FSTL5: variants seen among roughly 807,000 people sequenced by gnomAD.
FSTL5 encodes the protein follistatin-related protein 5.
Under a neutral mutation model 89.1 loss-of-function variants are expected in FSTL5, and 62 were observed. That is an observed-to-expected ratio of 0.70 (90% confidence interval 0.57 to 0.86). FSTL5 has a LOEUF of 0.86. FSTL5 is among the 40% of genes least tolerant of loss of function. FSTL5 has a pLI of 0.00. For missense variants in FSTL5, 1,057 were observed against 1,001.6 expected (o/e 1.06, Z -0.75); for synonymous variants, 383 against 346.2 (o/e 1.11, Z -1.18).
At chr4:162,049,790 A>G (rs1206135117) in intron 2 of FSTL5, among the ~76,000 whole-genome samples, 1 of 152,146 alleles carries the variant, frequency 6.6e-6, no homozygotes, top group African/African-American at 2.4e-5. Context: ...AGATCTGAAA[A>G]AATTATAATT....
chr4:161,792,203 G>A (rs867584700), intron 4 of FSTL5, among the ~76,000 whole-genome samples: 2 of 152,090 alleles, frequency 1.3e-5, no homozygotes, highest in African/African-American at 2.4e-5. Flanking sequence ...ATGGGTGTGC[G>A]CGTGTCCAAG....
intron 1 of FSTL5, among the ~76,000 whole-genome samples, chr4:162,117,777 GTTA>G (rs1032373827): frequency 1.3e-5 from 2 of 152,022 alleles, no homozygotes; most frequent in African/African-American, 4.8e-5. Flanking sequence ...ACAGAACTAT[GTTA>G]ATCATTTCTG....
chr4:162,127,218 T>C (rs1215536126), intron 1 of FSTL5, among the ~76,000 whole-genome samples: 5 of 152,192 alleles, frequency 3.3e-5, no homozygotes, highest in African/African-American at 1.2e-4. Context: ...CGGAAACCCT[T>C]GACTTTTGCC....
chr4:161,908,309 T>C (rs1733593747), intron 4 of FSTL5, among the ~76,000 whole-genome samples: 1 of 151,946 alleles, frequency 6.6e-6, no homozygotes, highest in Non-Finnish European at 1.5e-5. Context: ...TAAAAAAAAA[T>C]CATATTTGTT....
intron 6 of FSTL5, among the ~76,000 whole-genome samples, chr4:161,673,548 C>G (rs1253388145): frequency 1.3e-5 from 2 of 151,874 alleles, no homozygotes; most frequent in Non-Finnish European, 2.9e-5. Context: ...AAAAACAAAT[C>G]AAACAGTTAT....
chr4:161,908,189 C>T (rs1424559538), intron 4 of FSTL5, among the ~76,000 whole-genome samples: 2 of 151,978 alleles, frequency 1.3e-5, no homozygotes, highest in Non-Finnish European at 2.9e-5. Flanking sequence ...CCACTTACCT[C>T]TACCAATTTG....
chr4:162,046,028 T>C (rs1335467173), intron 2 of FSTL5, among the ~76,000 whole-genome samples: 1 of 152,184 alleles, frequency 6.6e-6, no homozygotes, highest in Non-Finnish European at 1.5e-5. Context: ...CTCATTTTTG[T>C]CTGCAGAAAT....
intron 6 of FSTL5, among the ~76,000 whole-genome samples, chr4:161,692,873 G>A (rs1051562261): frequency 9.2e-5 from 14 of 152,002 alleles, no homozygotes; most frequent in South Asian, 6.2e-4. Flanking sequence ...ACAGGCACAC[G>A]CCACCACACC....
At position 161,921,238 on chromosome 4, in the gene FSTL5, A is replaced by G. The variant is rs547287905; in HGVS notation, c.161-586T>C. On this transcript the variant is annotated intron_variant, in intron 3 of 15. Transcript: ENST00000306100. ...AACTGTCTCTTGAAAACTTTGATACATGATCCTTTCTTGTTTTGACCTTTG... is the reference window on the plus strand; with the variant it reads ...AACTGTCTCTTGAAAACTTTGATACGTGATCCTTTCTTGTTTTGACCTTTG... 1.1e-4 allele frequency among the ~76,000 whole-genome samples: 16 copies of G among 152,298 alleles called. No homozygotes were observed. The East Asian group carries it at 2.5e-3, about 24-fold the overall frequency.
chr4:161,867,295 T>C (rs1021856945), intron 4 of FSTL5, among the ~76,000 whole-genome samples: 1 of 152,032 alleles, frequency 6.6e-6, no homozygotes, highest in African/African-American at 2.4e-5. Flanking sequence ...TCTCTTAAAG[T>C]TAATGCCTTA....
At chr4:161,900,436 C>T (rs530512959) in intron 4 of FSTL5, among the ~76,000 whole-genome samples, 38 of 151,372 alleles carry the variant, frequency 2.5e-4, no homozygotes, top group African/African-American at 8.7e-4. Flanking sequence ...ATCAAGAGTT[C>T]GAGACCAGCC....
intron 8 of FSTL5, among the ~76,000 whole-genome samples, chr4:161,552,115 GT>G (rs1478632702): frequency 6.6e-6 from 1 of 151,910 alleles, no homozygotes; most frequent in African/African-American, 2.4e-5. Flanking sequence ...AAAGTGATAT[GT>G]TAATGTACTT....
At chr4:162,095,070 C>T (rs767909378) in intron 2 of FSTL5, among the ~76,000 whole-genome samples, 28 of 151,938 alleles carry the variant, frequency 1.8e-4, no homozygotes, top group Non-Finnish European at 3.7e-4. Context: ...AAAAAGCCAG[C>T]ATCAATATTC....
At chr4:161,885,830 T>C (rs12643817) in intron 4 of FSTL5, among the ~76,000 whole-genome samples, 4,828 of 152,234 alleles carry the variant, frequency 0.032, 152 homozygotes, top group East Asian at 0.15. Flanking sequence ...GTATTGTGTG[T>C]GTATGTTTTT....
chr4:162,119,222 A>G (rs1314831267), intron 1 of FSTL5, among the ~76,000 whole-genome samples: 2 of 141,810 alleles, frequency 1.4e-5, no homozygotes, highest in Non-Finnish European at 3.1e-5. Flanking sequence ...GTGAGATCCT[A>G]TCTCTCTTAA....
At chr4:162,067,938 T>C (rs1375301899) in intron 2 of FSTL5, among the ~76,000 whole-genome samples, 1 of 151,882 alleles carries the variant, frequency 6.6e-6, no homozygotes, top group Non-Finnish European at 1.5e-5. Context: ...ACGAATGAAC[T>C]CCAATTCACA....
chr4:162,151,963 G>A (rs552848082), intron 1 of FSTL5, among the ~76,000 whole-genome samples: 18 of 152,164 alleles, frequency 1.2e-4, no homozygotes, highest in African/African-American at 3.4e-4. Context: ...TAATTTAACC[G>A]AAGTGTTCAG....
chr4:161,716,204 C>T (rs1047225492), intron 6 of FSTL5, among the ~76,000 whole-genome samples: 4 of 152,112 alleles, frequency 2.6e-5, no homozygotes, highest in African/African-American at 9.7e-5. Context: ...AATGCTGTCT[C>T]CTCCTCAACA....
chr4:161,626,659 G>T (rs1735326601), intron 7 of FSTL5, among the ~76,000 whole-genome samples: 1 of 152,092 alleles, frequency 6.6e-6, no homozygotes. Context: ...TATTATTTAA[G>T]AAACACATTT....
Sources: allele counts gnomAD v4.1 joint callset (sites outside exome capture counted in the v4.1 genomes callset), GRCh38; gene constraint gnomAD v4.1.1; transcripts MANE v1.5; gene names NCBI Gene and HGNC (gene_info 2026-07-23, HGNC 2026-07-21).